The following BABAM2 variants were observed in gnomAD, a reference collection of about 807,000 sequenced individuals.
The protein encoded by BABAM2 is BRISC and BRCA1-A complex member 2.
BABAM2 carries 31 observed loss-of-function variants against 54.7 expected under a neutral mutation model. That is an observed-to-expected ratio of 0.57 (90% CI 0.43 to 0.77). The LOEUF is 0.77. Among genes scored for constraint, BABAM2 ranks in the 30% least tolerant of loss-of-function variants. The probability of loss-of-function intolerance (pLI) is 0.00; values close to 1 mark genes in which losing one functional copy is unlikely to be tolerated. For synonymous variants in BABAM2, 167 were observed against 162.9 expected, an observed-to-expected ratio of 1.03 and a Z score of -0.19; for missense variants, 364 against 455.8, an observed-to-expected ratio of 0.80 and a Z score of 1.83.
chr2:28,259,683 T>A (rs1684320503), intron 10 of BABAM2, among the ~76,000 whole-genome samples: 1 of 152,182 alleles, frequency 6.6e-6, no homozygotes, highest in Non-Finnish European at 1.5e-5. Context: ...CAAATAATTT[T>A]AAAAATGTTT....
At chr2:28,176,190 A>G (rs918524679) in intron 7 of BABAM2, among the ~76,000 whole-genome samples, 1 of 152,222 alleles carries the variant, frequency 6.6e-6, no homozygotes, top group Non-Finnish European at 1.5e-5. Flanking sequence ...TGACACCTCT[A>G]AGGGAGTACA....
At chr2:27,958,417 A>G (rs1670241995) in intron 3 of BABAM2, among the ~76,000 whole-genome samples, 1 of 151,658 alleles carries the variant, frequency 6.6e-6, no homozygotes, top group Non-Finnish European at 1.5e-5. Flanking sequence ...TGATGACAGT[A>G]AACAGCATTT....
chr2:28,337,096 C>T (rs1416914221), intron 11 of BABAM2, among the ~76,000 whole-genome samples: 2 of 152,068 alleles, frequency 1.3e-5, no homozygotes, highest in Non-Finnish European at 1.5e-5. Context: ...GGTGGCCCTG[C>T]CTGGTTCTTG....
chr2:28,327,404 G>A, intron 11 of BABAM2: 2 of 1,611,208 alleles, frequency 1.2e-6, no homozygotes, highest in Non-Finnish European at 1.7e-6. Context: ...TCCTTGGAGG[G>A]CCTCAGAGGG....
chr2:28,295,302 G>T (rs1301797149), intron 10 of BABAM2, among the ~76,000 whole-genome samples: 1 of 152,322 alleles, frequency 6.6e-6, no homozygotes, highest in South Asian at 2.1e-4. Flanking sequence ...TGGATACTGA[G>T]TGATGACTGT....
At chr2:28,271,191 G>A (rs948085115) in intron 10 of BABAM2, among the ~76,000 whole-genome samples, 1 of 152,216 alleles carries the variant, frequency 6.6e-6, no homozygotes, top group Non-Finnish European at 1.5e-5. Context: ...ATATATGGAC[G>A]TCTTCAGAAG....
At chr2:27,944,999 CTT>C (rs879793654) in intron 3 of BABAM2, among the ~76,000 whole-genome samples, 4 of 141,334 alleles carry the variant, frequency 2.8e-5, no homozygotes, top group Admixed American at 7.1e-5. Context: ...TTTGAGCTAC[CTT>C]TTTTTTTTTT....
chr2:28,231,545 C>T (rs188134205), intron 7 of BABAM2, among the ~76,000 whole-genome samples: 304 of 152,266 alleles, frequency 2.0e-3, no homozygotes, highest in African/African-American at 7.0e-3. Context: ...CAACTTCCAA[C>T]GGCTCCTGAA....
chr2:28,019,588 T>G (rs941101235), intron 4 of BABAM2, among the ~76,000 whole-genome samples: 4 of 152,140 alleles, frequency 2.6e-5, no homozygotes, highest in African/African-American at 9.7e-5. Flanking sequence ...TCTAGAAGGG[T>G]TTTTCCTATG....
intron 2 of BABAM2, among the ~76,000 whole-genome samples, chr2:27,900,780 A>G (rs1281657578): frequency 6.6e-6 from 1 of 152,186 alleles, no homozygotes; most frequent in African/African-American, 2.4e-5. Flanking sequence ...GCGGTGGCTC[A>G]CGCCTGTAAT....
intron 6 of BABAM2, among the ~76,000 whole-genome samples, chr2:28,047,429 A>C (rs1677667256): frequency 6.6e-6 from 1 of 152,160 alleles, no homozygotes; most frequent in Non-Finnish European, 1.5e-5. Flanking sequence ...TATAATCCAC[A>C]ATTTACAGTT....
intron 3 of BABAM2, among the ~76,000 whole-genome samples, chr2:27,986,451 G>A (rs1436281155): frequency 2.0e-5 from 3 of 151,996 alleles, no homozygotes; most frequent in Non-Finnish European, 4.4e-5. Flanking sequence ...AGGTGATCTG[G>A]GCCTGGAAGG....
intron 8 of BABAM2, among the ~76,000 whole-genome samples, chr2:28,238,612 C>T (rs950403820): frequency 3.3e-5 from 5 of 152,188 alleles, no homozygotes; most frequent in African/African-American, 1.2e-4. Flanking sequence ...CAGGCTTTAA[C>T]CCTCATGCAG....
At position 28,078,792 on chromosome 2, in the gene BABAM2, G is replaced by T. The variant is rs369901054; in HGVS notation, c.570+32993G>T. On this transcript the variant is annotated intron_variant, in intron 6 of 11. Coordinates refer to ENST00000379624, the MANE Select transcript of BABAM2 (RefSeq NM_199191.3). ...CCAGTAGCTAGGATATGCAAGTCTG[G>T]CATTCAGAAGAGAAACTGAGGTGGA... Among the ~76,000 whole-genome samples, 26 of 152,284 alleles carry T rather than the reference G, an allele frequency of 1.7e-4. No individual in the cohort carries two copies. The East Asian group carries it at 2.3e-3, about 14-fold the overall frequency.
chr2:28,166,116 C>G (rs1429616899), intron 7 of BABAM2, among the ~76,000 whole-genome samples: 2 of 152,200 alleles, frequency 1.3e-5, no homozygotes, highest in African/African-American at 4.8e-5. Flanking sequence ...TCAAGAGAAT[C>G]CAGCCCTGCT....
intron 7 of BABAM2, among the ~76,000 whole-genome samples, chr2:28,194,282 T>C (rs1286667795): frequency 2.0e-5 from 3 of 152,096 alleles, no homozygotes; most frequent in Admixed American, 6.5e-5. Context: ...GAAATCAACA[T>C]GACTGACTTG....
intron 6 of BABAM2, among the ~76,000 whole-genome samples, chr2:28,126,898 G>A (rs1332421485): frequency 1.4e-5 from 2 of 147,506 alleles, no homozygotes; most frequent in East Asian, 2.0e-4. Context: ...GGCCAGTGAT[G>A]GTGAGCATTT....
intron 7 of BABAM2, among the ~76,000 whole-genome samples, chr2:28,220,586 AT>A (rs1360151339): frequency 6.6e-6 from 1 of 150,486 alleles, no homozygotes; most frequent in Non-Finnish European, 1.5e-5. Flanking sequence ...TACAAAAGTA[AT>A]ATGTGTCAGT....
chr2:27,902,105 A>AT (rs1665833645), intron 2 of BABAM2, among the ~76,000 whole-genome samples: 1 of 152,074 alleles, frequency 6.6e-6, no homozygotes, highest in Admixed American at 6.6e-5. Flanking sequence ...TGTTTAAATT[A>AT]TTTTTTTGAC....
Sources: allele counts gnomAD v4.1 joint callset (sites outside exome capture counted in the v4.1 genomes callset), GRCh38; gene constraint gnomAD v4.1.1; transcripts MANE v1.5; gene names NCBI Gene and HGNC (gene_info 2026-07-23, HGNC 2026-07-21).